Variants in SGK3 observed in about 807,000 individuals in gnomAD.
The protein encoded by SGK3 is serine/threonine-protein kinase Sgk3.
SGK3 carries 47 observed loss-of-function variants against 68.5 expected under a neutral mutation model. The observed-to-expected ratio is 0.69, with a 90% CI of 0.54 to 0.87. The LOEUF is 0.87. Ranked by LOEUF, SGK3 falls within the 40% of genes least tolerant of loss-of-function variation. The pLI is 0.00. For missense variants in SGK3, 479 were observed against 575.5 expected (o/e 0.83, Z 1.72); for synonymous variants, 181 against 189.1 (o/e 0.96, Z 0.35).
chr8:66,751,692 A>G (rs1054191417), intron 1 of SGK3, among the ~76,000 whole-genome samples: 3 of 152,104 alleles, frequency 2.0e-5, no homozygotes, highest in Admixed American at 2.0e-4. Flanking sequence ...TCACTATAAG[A>G]AAGAATAGGT....
intron 14 of SGK3, among the ~76,000 whole-genome samples, chr8:66,845,693 C>CTTAT (rs59371496): frequency 0.19 from 26,509 of 139,680 alleles, 2,874 homozygotes; most frequent in East Asian, 0.27. Flanking sequence ...ACCTAGCTTG[C>CTTAT]TTATTTATTT....
chr8:66,849,796 T>C (rs1332769920), intron 15 of SGK3, among the ~76,000 whole-genome samples: 1 of 151,824 alleles, frequency 6.6e-6, no homozygotes, highest in East Asian at 1.9e-4. Context: ...CCAGGTTGGG[T>C]TTGAACTCCT....
chr8:66,839,272 T>G (rs1809668421), intron 10 of SGK3, among the ~76,000 whole-genome samples: 1 of 151,328 alleles, frequency 6.6e-6, no homozygotes, highest in African/African-American at 2.4e-5. Context: ...AGAAATAAAT[T>G]AAAAATTAGG....
intron 2 of SGK3, among the ~76,000 whole-genome samples, chr8:66,798,317 AT>A (rs1478686177): frequency 3.9e-5 from 6 of 152,070 alleles, no homozygotes; most frequent in African/African-American, 9.7e-5. Context: ...CAAGAATACC[AT>A]TTGACAAGAT....
At chr8:66,757,246 C>T (rs1412168206) in intron 1 of SGK3, among the ~76,000 whole-genome samples, 1 of 151,836 alleles carries the variant, frequency 6.6e-6, no homozygotes, top group East Asian at 1.9e-4. Context: ...ATCCTCCTCC[C>T]TTAGCCTCCT....
intron 16 of SGK3, among the ~76,000 whole-genome samples, chr8:66,852,008 G>A (rs1012456735): frequency 9.9e-5 from 15 of 152,078 alleles, no homozygotes; most frequent in African/African-American, 3.1e-4. Flanking sequence ...CAATATATGC[G>A]TGATTCCAGA....
chr8:66,728,678 G>A (rs1181221790), intron 1 of SGK3, among the ~76,000 whole-genome samples: 4 of 152,060 alleles, frequency 2.6e-5, no homozygotes, highest in Non-Finnish European at 5.9e-5. Context: ...CAAGGTGGGA[G>A]GATTGCTTGA....
At chr8:66,717,672 T>C (rs1027395855) in intron 1 of SGK3, among the ~76,000 whole-genome samples, 12 of 152,118 alleles carry the variant, frequency 7.9e-5, no homozygotes, top group African/African-American at 2.7e-4. Context: ...GAGAAGGAAC[T>C]TTACTATTCT....
chr8:66,834,304 C>T (rs983368329), intron 8 of SGK3, among the ~76,000 whole-genome samples: 4 of 151,906 alleles, frequency 2.6e-5, no homozygotes, highest in Non-Finnish European at 4.4e-5. Flanking sequence ...TTGAGACAGA[C>T]AGCTTTATCC....
intron 1 of SGK3, among the ~76,000 whole-genome samples, chr8:66,736,109 T>G (rs930762534): frequency 1.3e-5 from 2 of 152,188 alleles, no homozygotes; most frequent in Non-Finnish European, 2.9e-5. Context: ...CTTACCCAGA[T>G]TATAGGTCGA....
chr8:66,846,336 A>C (rs1810011924), intron 14 of SGK3, among the ~76,000 whole-genome samples: 1 of 152,136 alleles, frequency 6.6e-6, no homozygotes, highest in African/African-American at 2.4e-5. Context: ...TTTATTTGAG[A>C]TGGGGTCTCA....
At chr8:66,852,342 C>T (rs897296546) in intron 16 of SGK3, among the ~76,000 whole-genome samples, 1 of 131,290 alleles carries the variant, frequency 7.6e-6, no homozygotes, top group Admixed American at 9.4e-5. Context: ...AGTGCAGTGG[C>T]GCGATCTTGG....
intron 5 of SGK3, among the ~76,000 whole-genome samples, chr8:66,816,153 C>T (rs1021135806): frequency 2.0e-5 from 3 of 151,920 alleles, no homozygotes; most frequent in Non-Finnish European, 4.4e-5. Flanking sequence ...GGGCGCACCA[C>T]CACGCCCACC....
chr8:66,825,837 C>G (rs996692659), intron 6 of SGK3, among the ~76,000 whole-genome samples: 1 of 152,144 alleles, frequency 6.6e-6, no homozygotes, highest in African/African-American at 2.4e-5. Flanking sequence ...AATTCGATAT[C>G]CTAATACTTT....
At position 66,813,857 on chromosome 8, in the gene SGK3, T is replaced by C; in HGVS notation, c.258T>C (p.Phe86=). The change falls in exon 5 of 17, where the codon TTT becomes TTC. Residue 86 remains phenylalanine (F), a synonymous_variant. Coordinates refer to ENST00000521198, the MANE Select transcript of SGK3 (RefSeq NM_001033578.3). ...TAGTTTATATCTCTCTTCCAGATTT[T>C]ATTAAACAAAGACGAGCAGGACTAA... ...RIFGDNFDPD[F]IKQRRAGLNE... is the part of the protein sequence containing the mutation. The C allele has an allele frequency of 6.4e-7, 1 of 1,572,062 alleles. No homozygotes were observed. Among genetic ancestry groups the C allele is most frequent in the Middle Eastern group, 1.7e-4 (1 of 5,952 alleles).
chr8:66,749,263 C>G (rs1216701166), intron 1 of SGK3, among the ~76,000 whole-genome samples: 1 of 152,048 alleles, frequency 6.6e-6, no homozygotes. Context: ...CCTGTAATCC[C>G]AGCACTTTGG....
At chr8:66,736,420 G>A (rs985523219) in intron 1 of SGK3, among the ~76,000 whole-genome samples, 2 of 151,826 alleles carry the variant, frequency 1.3e-5, no homozygotes, top group African/African-American at 4.8e-5. Context: ...TTTTATTTTT[G>A]TAACAAAGTT....
chr8:66,784,854 G>A (rs1585712082), intron 1 of SGK3, among the ~76,000 whole-genome samples: 1 of 152,066 alleles, frequency 6.6e-6, no homozygotes, highest in Non-Finnish European at 1.5e-5. Context: ...TAAGTCTATG[G>A]ATGCTTTTTT....
intron 1 of SGK3, among the ~76,000 whole-genome samples, chr8:66,765,569 C>G (rs917315186): frequency 6.6e-6 from 1 of 151,658 alleles, no homozygotes. Flanking sequence ...GATTTTTTTT[C>G]TTTTCCAATA....
Sources: gnomAD v4.1 joint callset for allele counts (sites outside exome capture counted in the v4.1 genomes callset) on GRCh38, gnomAD v4.1.1 for gene constraint, MANE v1.5 for transcripts, NCBI Gene and HGNC (gene_info 2026-07-23, HGNC 2026-07-21) for gene names.